DLG2: variants seen among roughly 807,000 people sequenced by gnomAD.
DLG2 encodes disks large homolog 2.
In DLG2, 45 loss-of-function variants were observed where a neutral mutation model predicts 132.5. That is an observed-to-expected ratio of 0.34 (90% CI 0.27 to 0.44). DLG2 has a LOEUF of 0.44. Among genes scored for constraint, DLG2 ranks in the 20% least tolerant of loss-of-function variants. The probability of loss-of-function intolerance (pLI) is 1.00; values close to 1 mark genes in which losing one functional copy is unlikely to be tolerated. For synonymous variants in DLG2, 424 were observed against 419.6 expected, an observed-to-expected ratio of 1.01 and a Z score of -0.13; for missense variants, 1,045 against 1,196.9, an observed-to-expected ratio of 0.87 and a Z score of 1.87.
intron 4 of DLG2, among the ~76,000 whole-genome samples, chr11:85,169,128 C>T (rs1319663334): frequency 6.6e-6 from 1 of 152,178 alleles, no homozygotes; most frequent in Admixed American, 6.5e-5. Context: ...ACTTATAATA[C>T]CAAATACAAT....
intron 4 of DLG2, among the ~76,000 whole-genome samples, chr11:85,244,331 GA>G (rs1458626719): frequency 2.0e-5 from 3 of 151,868 alleles, no homozygotes; most frequent in African/African-American, 7.2e-5. Flanking sequence ...TTTATGCGAG[GA>G]AAGGAAAAGC....
intron 18 of DLG2, chr11:83,647,436 G>A (rs1591646533): frequency 6.6e-6 from 1 of 152,246 alleles, no homozygotes; most frequent in Non-Finnish European, 1.5e-5. Context: ...ATGATTGGCA[G>A]GTCGAAGAGA....
At chr11:83,528,171 C>T (rs577834385) in intron 21 of DLG2, among the ~76,000 whole-genome samples, 1 of 152,264 alleles carries the variant, frequency 6.6e-6, no homozygotes, top group South Asian at 2.1e-4. Context: ...AGGCTACTGA[C>T]ACAATAGCCC....
At chr11:85,572,253 C>A (rs1028806837) in intron 3 of DLG2, among the ~76,000 whole-genome samples, 1 of 152,128 alleles carries the variant, frequency 6.6e-6, no homozygotes, top group Non-Finnish European at 1.5e-5. Context: ...GTTCACTGAG[C>A]TTCTGCGATC....
intron 15 of DLG2, among the ~76,000 whole-genome samples, chr11:83,894,159 A>C (rs750051998): frequency 2.7e-4 from 41 of 152,324 alleles, no homozygotes; most frequent in Non-Finnish European, 3.1e-4. Context: ...GCCTTCTTGT[A>C]ACCACCCACA....
rs150123001 is a variant in DLG2 at position 85,544,022 on chromosome 11, A to G, written c.40+54635T>C. 1.3e-3 allele frequency among the ~76,000 whole-genome samples: 198 copies of G among 152,142 alleles called. 3 individuals carry two copies. In the East Asian group the frequency reaches 0.037, roughly 28 times the overall value. Reference sequence around the variant, plus strand: ...GATCCCATTTGTCAATTTTGGCTTTAGTTGCCGCTGCTTTTGGTGTTTTAG... The same window carrying G: ...GATCCCATTTGTCAATTTTGGCTTTGGTTGCCGCTGCTTTTGGTGTTTTAG... On this transcript the variant is annotated intron_variant, in intron 3 of 27. Coordinates refer to ENST00000376104, the MANE Select transcript of DLG2 (RefSeq NM_001142699.3).
At chr11:85,049,824 CT>C (rs571469544) in intron 6 of DLG2, among the ~76,000 whole-genome samples, 61 of 152,054 alleles carry the variant, frequency 4.0e-4, no homozygotes, top group African/African-American at 1.4e-3. Flanking sequence ...ATAACCAAAA[CT>C]TAGGGGGTAA....
chr11:84,072,612 G>C (rs2096773774), intron 10 of DLG2, among the ~76,000 whole-genome samples: 1 of 152,196 alleles, frequency 6.6e-6, no homozygotes, highest in South Asian at 2.1e-4. Flanking sequence ...TTCAGGCACA[G>C]TTTAGTGGCT....
intron 3 of DLG2, among the ~76,000 whole-genome samples, chr11:85,537,174 C>A (rs2075645917): frequency 6.6e-6 from 1 of 152,174 alleles, no homozygotes; most frequent in Non-Finnish European, 1.5e-5. Flanking sequence ...CCAATTAGCA[C>A]TCTGTCAATA....
chr11:83,797,501 C>CT (rs111672101), intron 17 of DLG2, among the ~76,000 whole-genome samples: 222 of 145,476 alleles, frequency 1.5e-3, no homozygotes, highest in African/African-American at 1.7e-3. Flanking sequence ...TGTCTGCATT[C>CT]TTTTTTTTTT....
intron 10 of DLG2, among the ~76,000 whole-genome samples, chr11:84,064,659 G>A (rs1182268093): frequency 6.6e-6 from 1 of 152,108 alleles, no homozygotes; most frequent in East Asian, 1.9e-4. Context: ...ACGAAAAAGA[G>A]ACAAGAAGCA....
chr11:84,579,959 C>T (rs1262403129), intron 6 of DLG2, among the ~76,000 whole-genome samples: 1 of 152,026 alleles, frequency 6.6e-6, no homozygotes, highest in African/African-American at 2.4e-5. Context: ...CAGCTGAGTG[C>T]CTGGAAGGTG....
intron 5 of DLG2, among the ~76,000 whole-genome samples, chr11:85,134,333 T>A (rs2075985350): frequency 6.7e-6 from 1 of 148,876 alleles, no homozygotes; most frequent in African/African-American, 2.5e-5. Context: ...ATCGAGACCA[T>A]CCCGGCTAAA....
At chr11:84,279,643 T>A (rs1178494881) in intron 7 of DLG2, among the ~76,000 whole-genome samples, 1 of 152,074 alleles carries the variant, frequency 6.6e-6, no homozygotes, top group South Asian at 2.1e-4. Flanking sequence ...AAAGGATGAG[T>A]TCTCATCTTT....
At position 85,485,186 on chromosome 11, in the gene DLG2, A is replaced by G. The variant is rs549443883; in HGVS notation, c.40+113471T>C. Among the ~76,000 whole-genome samples the G allele has an allele frequency of 2.3e-3, 338 of 150,192 alleles. 3 individuals carry two copies. The highest frequency in any genetic ancestry group is 0.011 in the South Asian group (50 of 4,736). On this transcript the variant is annotated intron_variant, in intron 3 of 27. Coordinates refer to ENST00000376104, the MANE Select transcript of DLG2 (RefSeq NM_001142699.3). The stretch of plus-strand genomic sequence containing the variant: ...ATGGACACAGGAAGGGGAATGTCAC[A>G]CTCTGGGGACTGTTGTGGGGTGGGG...
intron 18 of DLG2, among the ~76,000 whole-genome samples, chr11:83,776,511 C>T (rs562455602): frequency 2.6e-5 from 4 of 152,334 alleles, no homozygotes; most frequent in Non-Finnish European, 5.9e-5. Context: ...TTCTGGCCTA[C>T]TTTCTATTCA....
At chr11:84,018,195 T>C (rs1210582150) in intron 11 of DLG2, among the ~76,000 whole-genome samples, 1 of 151,998 alleles carries the variant, frequency 6.6e-6, no homozygotes, top group African/African-American at 2.4e-5. Context: ...ATTAAACTGC[T>C]AGGTATTACT....
At chr11:83,988,869 T>C (rs1262247885) in intron 11 of DLG2, among the ~76,000 whole-genome samples, 6 of 152,154 alleles carry the variant, frequency 3.9e-5, no homozygotes, top group Non-Finnish European at 8.8e-5. Context: ...TAGCACTTAT[T>C]ACCTTGTAAT....
intron 6 of DLG2, among the ~76,000 whole-genome samples, chr11:85,041,498 G>A (rs559122069): frequency 1.3e-5 from 2 of 152,024 alleles, no homozygotes; most frequent in South Asian, 4.1e-4. Context: ...GGATTAAACA[G>A]GGCATCAGAG....
Sources: allele counts gnomAD v4.1 joint callset (sites outside exome capture counted in the v4.1 genomes callset), GRCh38; gene constraint gnomAD v4.1.1; transcripts MANE v1.5; gene names NCBI Gene and HGNC (gene_info 2026-07-23, HGNC 2026-07-21).